The following PUM2 variants were observed in gnomAD, a reference collection of about 807,000 sequenced individuals.
The protein encoded by PUM2 is pumilio RNA binding family member 2, also known as pumilio homolog 2.
In PUM2, 57 loss-of-function variants were observed where a neutral mutation model predicts 124.5. The ratio of observed to expected loss-of-function variants is 0.46; its 90% confidence interval spans 0.37 to 0.57. The LOEUF is 0.57. Ranked by LOEUF, PUM2 falls within the 20% of genes least tolerant of loss-of-function variation. PUM2 has a pLI of 0.00. For synonymous variants in PUM2, 460 were observed against 446.1 expected (o/e 1.03, Z -0.39); for missense variants, 1,065 against 1,290.6 (o/e 0.83, Z 2.68).
chr2:20,309,325 C>T (rs1281204797), intron 5 of PUM2, among the ~76,000 whole-genome samples: 3 of 151,594 alleles, frequency 2.0e-5, no homozygotes, highest in African/African-American at 7.3e-5. Flanking sequence ...GAAGACCATG[C>T]TTATTATACC....
chr2:20,319,203 A>G (rs1681715302), intron 2 of PUM2, among the ~76,000 whole-genome samples: 1 of 152,250 alleles, frequency 6.6e-6, no homozygotes, highest in African/African-American at 2.4e-5. Context: ...CCTGTGCTCT[A>G]TCCTATACTG....
chr2:20,337,061 AT>A (rs1391592543), intron 1 of PUM2, among the ~76,000 whole-genome samples: 1 of 152,110 alleles, frequency 6.6e-6, no homozygotes, highest in Non-Finnish European at 1.5e-5. Context: ...CTAAGCTTCA[AT>A]TTGTCTAATA....
At chr2:20,326,235 ACTTAAG>A in intron 2 of PUM2, 1 of 1,295,422 alleles carries the variant, frequency 7.7e-7, no homozygotes. Flanking sequence ...TTTTGGCAAT[ACTTAAG>A]CTTAAGCACC....
At chr2:20,282,844 T>C in intron 12 of PUM2, 103 bp downstream of exon 12, 2 of 1,278,622 alleles carry the variant, frequency 1.6e-6, no homozygotes, top group Non-Finnish European at 2.1e-6. Context: ...ACTTTATTCC[T>C]GTCCTTCCTA....
chr2:20,261,914 A>C (rs1288674689), intron 14 of PUM2, among the ~76,000 whole-genome samples: 3 of 152,138 alleles, frequency 2.0e-5, no homozygotes, highest in Non-Finnish European at 4.4e-5. Flanking sequence ...CAACACAGTG[A>C]GACCCTGTCT....
intron 12 of PUM2, among the ~76,000 whole-genome samples, chr2:20,281,497 G>A (rs530992422): frequency 6.6e-6 from 1 of 152,088 alleles, no homozygotes; most frequent in Non-Finnish European, 1.5e-5. Flanking sequence ...ATTATTTAGG[G>A]CCTACAATTT....
chr2:20,335,046 C>T (rs927127532), intron 1 of PUM2, among the ~76,000 whole-genome samples: 2 of 152,086 alleles, frequency 1.3e-5, no homozygotes, highest in African/African-American at 2.4e-5. Context: ...CCTCAGTCTC[C>T]GGGAGTATCT....
intron 1 of PUM2, among the ~76,000 whole-genome samples, chr2:20,339,459 A>ATGTAC (rs1195271595): frequency 7.2e-5 from 11 of 152,242 alleles, no homozygotes; most frequent in Admixed American, 6.5e-5. Context: ...ATATAAAAGA[A>ATGTAC]TGTACGTGTA....
At chr2:20,279,712 A>C (rs563400924) in intron 12 of PUM2, among the ~76,000 whole-genome samples, 2 of 152,178 alleles carry the variant, frequency 1.3e-5, no homozygotes, top group Non-Finnish European at 2.9e-5. Flanking sequence ...AAGGTCATGT[A>C]GGCCCTGGTG....
intron 14 of PUM2, among the ~76,000 whole-genome samples, chr2:20,262,672 G>GT (rs1212718681): frequency 6.6e-6 from 1 of 152,226 alleles, no homozygotes; most frequent in Non-Finnish European, 1.5e-5. Flanking sequence ...TTTATCAAAT[G>GT]TGTTACAATT....
intron 12 of PUM2, 42 bp downstream of exon 12, chr2:20,282,905 C>A: frequency 6.3e-7 from 1 of 1,575,662 alleles, no homozygotes; most frequent in South Asian, 1.2e-5. Flanking sequence ...TCATATACCT[C>A]TTCCACTTAG....
chr2:20,283,537 A>T (rs768963660), intron 10 of PUM2, 51 bp from the exon 11 acceptor site: 2 of 1,538,550 alleles, frequency 1.3e-6, no homozygotes. Context: ...AAAAACATGC[A>T]TATTTGTTTT....
At chr2:20,341,176 CCT>C (rs1255986031) in intron 1 of PUM2, among the ~76,000 whole-genome samples, 4 of 152,080 alleles carry the variant, frequency 2.6e-5, no homozygotes, top group Admixed American at 6.5e-5. Flanking sequence ...GCACAGCCCC[CCT>C]CTCCCTGCCC....
chr2:20,349,758 T>C (rs1291593759), intron 1 of PUM2, among the ~76,000 whole-genome samples: 1 of 152,242 alleles, frequency 6.6e-6, no homozygotes, highest in Non-Finnish European at 1.5e-5. Flanking sequence ...CTGCCCCGTT[T>C]TCTCAACAAG....
intron 1 of PUM2, among the ~76,000 whole-genome samples, chr2:20,339,529 A>G (rs1220882516): frequency 6.6e-6 from 1 of 152,204 alleles, no homozygotes; most frequent in Non-Finnish European, 1.5e-5. Context: ...CAGGTTTTTA[A>G]AAAGCAAAGC....
At chr2:20,289,199 C>CAAG (rs1487050018) in intron 10 of PUM2, among the ~76,000 whole-genome samples, 1 of 152,086 alleles carries the variant, frequency 6.6e-6, no homozygotes, top group East Asian at 1.9e-4. Context: ...GGGCCAGCAT[C>CAAG]AAGAGCCTAG....
chr2:20,258,433 T>A (rs1347581576), intron 15 of PUM2, 62 bp from the exon 16 acceptor site: 16 of 1,533,878 alleles, frequency 1.0e-5, no homozygotes, highest in Non-Finnish European at 1.4e-5. Flanking sequence ...TGAACTTGAG[T>A]AAGGCAGTGT....
intron 3 of PUM2, among the ~76,000 whole-genome samples, chr2:20,314,021 T>C (rs893875091): frequency 3.9e-5 from 6 of 151,918 alleles, no homozygotes; most frequent in East Asian, 3.9e-4. Flanking sequence ...CGGGCACTTA[T>C]AGTCCCAGCT....
rs921958291 is a variant in PUM2 at position 20,250,664 on chromosome 2, A to C, written c.*921T>G. 5.9e-5 allele frequency: 9 copies of C among 152,200 alleles called. No homozygotes were observed. Among genetic ancestry groups the C allele is most frequent in the African/African-American group, 1.4e-4 (6 of 41,468 alleles). 9.4% of individuals were successfully genotyped at this position (152,200 alleles called of 1,614,324 possible). On this transcript the variant is annotated 3_prime_UTR_variant, in exon 21 of 21. Coordinates refer to ENST00000361078, the MANE Select transcript of PUM2 (RefSeq NM_015317.5). ...ATTCACTTTTCAGTGGCCCCTTTTC[A>C]TCTCTATCTGGTTCCTACTTTCTGC...
Sources: gnomAD v4.1 joint callset for allele counts (sites outside exome capture counted in the v4.1 genomes callset) on GRCh38, gnomAD v4.1.1 for gene constraint, MANE v1.5 for transcripts, NCBI Gene and HGNC (gene_info 2026-07-23, HGNC 2026-07-21) for gene names.